TRIM41: variants seen among roughly 807,000 people sequenced by gnomAD.
The protein encoded by TRIM41 is E3 ubiquitin-protein ligase TRIM41.
In TRIM41, 21 loss-of-function variants were observed where a neutral mutation model predicts 60.6. The observed-to-expected ratio is 0.35, with a 90% CI of 0.25 to 0.50. The LOEUF is 0.50. Among genes scored for constraint, TRIM41 ranks in the 20% least tolerant of loss-of-function variants. TRIM41 has a pLI of 0.98. For missense variants in TRIM41, 846 were observed against 868.3 expected (o/e 0.97, Z 0.32); for synonymous variants, 407 against 344.9 (o/e 1.18, Z -2.00).
chr5:181,234,305 G>A lies in TRIM41; in HGVS notation c.1423G>A (p.Val475Ile), dbSNP rs762574915. 5.1e-5 allele frequency: 83 copies of A among 1,612,332 alleles called. No homozygotes were observed. The highest frequency in any genetic ancestry group is 1.3e-4 in the African/African-American group (10 of 74,910). ...HPKRFSADCCVLGAQGFRSGR... is the reference protein window; with the variant it reads ...HPKRFSADCCILGAQGFRSGR... ...CAAGCGCTTCTCGGCCGACTGCTGC[G>A]TACTGGGGGCCCAGGGCTTCCGCTC... The change falls in exon 6 of 6, where the codon GTA (valine) becomes ATA (isoleucine). Residue 475 changes from valine (V) to isoleucine (I), a missense_variant. Physicochemically the swap from Val to Ile is conservative, Grantham distance 29. Coordinates refer to ENST00000315073, the MANE Select transcript of TRIM41 (RefSeq NM_033549.5). The surrounding 1 kb of genome is among the most constrained non-coding windows in gnomAD (Gnocchi z 5.6).
At chr5:181,224,862 G>C in intron 1 of TRIM41, 50 bp downstream of exon 1, 1 of 1,610,400 alleles carries the variant, frequency 6.2e-7, no homozygotes, top group South Asian at 1.1e-5. Flanking sequence ...GGATGGAGAG[G>C]AAGTAAGGGG....
Position 181,235,172 on chromosome 5 carries a change from G to C in TRIM41, c.*397G>C. ...TCTTTATCAGTTCTGAGGCTGGAGG[G>C]TTTGGGCAAGGCAACATCCCCATTC... On this transcript the variant is annotated 3_prime_UTR_variant, in exon 6 of 6. Coordinates refer to ENST00000315073, the MANE Select transcript of TRIM41 (RefSeq NM_033549.5). 1 of 1,535,724 alleles carries C rather than the reference G, an allele frequency of 6.5e-7. No individual in the cohort carries two copies. The highest frequency in any genetic ancestry group is 8.8e-7 in the Non-Finnish European group (1 of 1,138,600).
At position 181,235,473 on chromosome 5, in the gene TRIM41, C is replaced by T. The variant is rs1328385948; in HGVS notation, c.*698C>T. ...AACATAAATTATTTCTTCCCCCTTC[C>T]CTTTTCCAGCACTCAACCAAGGAGC... On this transcript the variant is annotated 3_prime_UTR_variant, in exon 6 of 6. Transcript: ENST00000315073. 1.4e-5 allele frequency: 22 copies of T among 1,568,726 alleles called. No homozygotes were observed. The highest frequency in any genetic ancestry group is 1.9e-5 in the Non-Finnish European group (22 of 1,152,142).
In TRIM41 at chr5:181,235,309, A is replaced by AG. The variant is rs1360236567; in HGVS notation, c.*537dup. ...ATAAATGTCTATTCTCCTGGGGAGG[A>AG]GGGATTCTAAACTTTCCTTCCGTCC... On this transcript the variant is annotated 3_prime_UTR_variant, in exon 6 of 6. Transcript: ENST00000315073. The AG allele has an allele frequency of 6.2e-7, 1 of 1,613,912 alleles. No homozygotes were observed. Among genetic ancestry groups the AG allele is most frequent in the Non-Finnish European group, 8.5e-7 (1 of 1,179,990 alleles).
chr5:181,232,534 G>T (rs1758848122), intron 2 of TRIM41, 125 bp from the exon 3 acceptor site: 1 of 873,148 alleles, frequency 1.1e-6, no homozygotes, highest in Non-Finnish European at 1.7e-6. Context: ...CTCTTTCCGG[G>T]ACTATCTTGG....
In TRIM41 at chr5:181,235,477, T is replaced by C. The variant is rs1260710071; in HGVS notation, c.*702T>C. ...TAAATTATTTCTTCCCCCTTCCCTT[T>C]TCCAGCACTCAACCAAGGAGCAAAG... On this transcript the variant is annotated 3_prime_UTR_variant, in exon 6 of 6. Transcript: ENST00000315073. 2 of 1,562,118 alleles carry C rather than the reference T, an allele frequency of 1.3e-6. No individual in the cohort carries two copies. Among genetic ancestry groups the C allele is most frequent in the African/African-American group, 1.4e-5 (1 of 73,774 alleles).
intron 1 of TRIM41, chr5:181,228,933 C>CAAAAAAAAA (rs34347124): frequency 2.9e-5 from 1 of 35,016 alleles, no homozygotes; most frequent in Non-Finnish European, 6.8e-5. Flanking sequence ...GACTCTGTCT[C>CAAAAAAAAA]AAAAAAAAAA....
intron 1 of TRIM41, chr5:181,227,964 CAG>C (rs1341415101): frequency 2.1e-5 from 3 of 145,368 alleles, no homozygotes; most frequent in Non-Finnish European, 4.5e-5. Flanking sequence ...TTCGTGGAGA[CAG>C]GGTCTTGCTG....
rs767631776 is a variant in TRIM41 at position 181,223,958 on chromosome 5, G to A, written c.-42G>A. 7.1e-7 allele frequency: 1 copy of A among 1,403,764 alleles called. No individual in the cohort carries two copies. Among genetic ancestry groups the A allele is most frequent in the Non-Finnish European group, 9.9e-7 (1 of 1,013,296 alleles). The allele number at this position is 1,403,764 out of a possible 1,614,324, so 87.0% of individuals were successfully genotyped here. A position where few individuals can be genotyped will look rare whatever the true frequency, so the allele number is the denominator to read the frequency against. On this transcript the variant is annotated 5_prime_UTR_variant, in exon 1 of 6. Coordinates refer to ENST00000315073, the MANE Select transcript of TRIM41 (RefSeq NM_033549.5). ...TCGGTAGGGAAGACCCCCGCCCCTC[G>A]CCCCCCCACCGAACCTCTACACTGG...
chr5:181,224,306 G>A lies in TRIM41; in HGVS notation c.307G>A (p.Glu103Lys). The change falls in exon 1 of 6, where the codon GAA becomes AAA. Residue 103 changes from glutamate to lysine, a missense_variant. Coordinates refer to ENST00000315073, the MANE Select transcript of TRIM41 (RefSeq NM_033549.5). ...GDMEEEVEEE[E>K]EGVFWTSGMS... is the part of the protein sequence containing the mutation. The stretch of plus-strand genomic sequence containing the variant: ...CATGGAGGAGGAGGTCGAGGAGGAA[G>A]AAGAGGGTGTGTTCTGGACCAGTGG... 1.2e-6 allele frequency: 2 copies of A among 1,614,202 alleles called. No individual in the cohort carries two copies. The highest frequency in any genetic ancestry group is 1.7e-6 in the Non-Finnish European group (2 of 1,180,036).
Position 181,233,946 on chromosome 5 carries a change from G to A in TRIM41, c.1291+183G>A. On this transcript the variant is annotated intron_variant, in intron 5 of 5. Transcript: ENST00000315073. This position sits in a 1 kb window ranked among gnomAD's most constrained non-coding sequence, Gnocchi z 4.1. ...AGACCTAGTGCAGGCAGGCCTGGAG[G>A]GTGGGGTGGGGTGGAGTGGCAGGAA... is the stretch of plus-strand genomic sequence containing the variant. 3 of 1,170,360 alleles carry A rather than the reference G, an allele frequency of 2.6e-6. No individual in the cohort carries two copies. The highest frequency in any genetic ancestry group is 3.6e-6 in the Non-Finnish European group (3 of 826,946). The allele number at this position is 1,170,360 out of a possible 1,614,324, so 72.5% of individuals were successfully genotyped here. A position where few individuals can be genotyped will look rare whatever the true frequency, so the allele number is the denominator to read the frequency against.
intron 1 of TRIM41, chr5:181,229,526 G>A (rs937020470): frequency 2.0e-5 from 3 of 152,278 alleles, no homozygotes; most frequent in Admixed American, 6.5e-5. Context: ...GCTACAAATT[G>A]TAGAAACACA....
chr5:181,228,190 A>G (rs12108987), intron 1 of TRIM41: 17,627 of 150,198 alleles, frequency 0.12, 2,626 homozygotes, highest in African/African-American at 0.35. Context: ...AGCTGAGATC[A>G]CGCCACTGCA....
Position 181,234,779 on chromosome 5 carries a change from T to C in TRIM41, c.*4T>C, listed in dbSNP as rs1347653542. The stretch of plus-strand genomic sequence containing the variant: ...CCGCATCAAGCTCTGCCCTTGATTA[T>C]CCTGCCACCCGCAGGGGCCCCTCTG... On this transcript the variant is annotated 3_prime_UTR_variant, in exon 6 of 6. Transcript: ENST00000315073. This position sits in a 1 kb window ranked among gnomAD's most constrained non-coding sequence, Gnocchi z 5.6. The C allele has an allele frequency of 5.6e-6, 9 of 1,608,464 alleles. No individual in the cohort carries two copies. Among genetic ancestry groups the C allele is most frequent in the East Asian group, 4.5e-5 (2 of 44,802 alleles).
At position 181,230,831 on chromosome 5, in the gene TRIM41, G is replaced by A; in HGVS notation, c.901G>A (p.Glu301Lys). The change falls in exon 2 of 6, where the codon GAA becomes AAA. Residue 301 changes from glutamate to lysine, a missense_variant. Physicochemically the swap from Glu to Lys is moderately conservative, Grantham distance 56 (BLOSUM62 1). Transcript: ENST00000315073. ...AGCCAAGGAGGAGAGGCGAGTGACA[G>A]AACTGAAGGTGGGTGAATGTTCTCG... The part of the protein sequence containing the change: ...MKAKEERRVT[E>K]LKSQMKSELA... The A allele has an allele frequency of 1.2e-6, 2 of 1,612,640 alleles. No individual in the cohort carries two copies. The highest frequency in any genetic ancestry group is 2.2e-5 in the South Asian group (2 of 91,024).
rs776479184 is a variant in TRIM41, at chr5:181,224,232, C to A, written c.233C>A (p.Ala78Asp). The A allele has an allele frequency of 3.1e-6, 5 of 1,612,240 alleles. No individual in the cohort carries two copies. In the Admixed American group the frequency reaches 5.0e-5, roughly 16 times the overall value. The change falls in exon 1 of 6, where the codon GCT becomes GAT. Residue 78 changes from alanine to aspartate, a missense_variant. Transcript: ENST00000315073. The stretch of plus-strand genomic sequence containing the variant: ...GAGGAGGAAGTGGAGGCTGTGGGGG[C>A]TGGCGCGGGGTGGGACACCCCCATG... ...GEEEEVEAVG[A>D]GAGWDTPMRD...
chr5:181,224,123 G>A lies in TRIM41; in HGVS notation c.124G>A (p.Val42Ile). The change falls in exon 1 of 6, where the codon GTT becomes ATT. Residue 42 changes from valine (V) to isoleucine (I), a missense_variant. Val to Ile is a conservative substitution (Grantham distance 29, BLOSUM62 3). Coordinates refer to ENST00000315073, the MANE Select transcript of TRIM41 (RefSeq NM_033549.5). ...CGGCTGCGGGCACAACTTCTGCCGA[G>A]TTTGTGTAACCCAGTTGTGGGGTGG... ...SIGCGHNFCR[V>I]CVTQLWGGED... 6.2e-7 allele frequency: 1 copy of A among 1,614,254 alleles called. No homozygotes were observed. Among genetic ancestry groups the A allele is most frequent in the South Asian group, 1.1e-5 (1 of 91,090 alleles).
chr5:181,229,210 T>C (rs984175599), intron 1 of TRIM41: 2 of 152,194 alleles, frequency 1.3e-5, no homozygotes, highest in African/African-American at 4.8e-5. Context: ...CAGCTTAAGG[T>C]ATAGGGAACA....
In TRIM41 at chr5:181,224,008, C is replaced by G. The variant is rs759731522; in HGVS notation, c.9C>G (p.Ala3=). The part of the protein sequence containing the change: MA[A]VAMTPNPVQT... ...GCTGGCTGGACACTAAGATGGCTGC[C>G]GTTGCCATGACACCCAACCCTGTGC... is the stretch of plus-strand genomic sequence containing the variant. The change falls in exon 1 of 6, where the codon GCC becomes GCG. Residue 3 remains alanine, a synonymous_variant. Coordinates refer to ENST00000315073, the MANE Select transcript of TRIM41 (RefSeq NM_033549.5). 3 of 1,611,100 alleles carry G rather than the reference C, an allele frequency of 1.9e-6. No individual in the cohort carries two copies. Among genetic ancestry groups the G allele is most frequent in the South Asian group, 1.1e-5 (1 of 90,970 alleles).
Sources: allele counts gnomAD v4.1 joint callset, GRCh38; gene constraint gnomAD v4.1.1; non-coding constraint Gnocchi (gnomAD v3.1); transcripts MANE v1.5; gene names NCBI Gene and HGNC (gene_info 2026-07-23, HGNC 2026-07-21).